Variants in LMCD1 observed in about 807,000 individuals in gnomAD.
LMCD1 encodes the protein LIM and cysteine rich domains 1, also known as LIM and cysteine-rich domains protein 1.
LMCD1 carries 32 observed loss-of-function variants against 42.7 expected under a neutral mutation model. The ratio of observed to expected loss-of-function variants is 0.75; its 90% CI spans 0.57 to 1.01. The LOEUF is 1.01. Among genes scored for constraint, LMCD1 ranks in the 50% least tolerant of loss-of-function variants. LMCD1 has a pLI of 0.00. For synonymous variants in LMCD1, 178 were observed against 184.9 expected (o/e 0.96, Z 0.30); for missense variants, 458 against 483.1 (o/e 0.95, Z 0.49).
At chr3:8,536,256 C>A (rs1490345352) in intron 2 of LMCD1, among the ~76,000 whole-genome samples, 1 of 152,182 alleles carries the variant, frequency 6.6e-6, no homozygotes, top group Non-Finnish European at 1.5e-5. Context: ...GCATCTGAGA[C>A]CCAGCACAGC....
At chr3:8,550,557 C>T in intron 4 of LMCD1, 3 of 985,124 alleles carry the variant, frequency 3.0e-6, no homozygotes, top group Non-Finnish European at 3.6e-6. Flanking sequence ...GATTGCCAAC[C>T]AAGAAACTGT....
At chr3:8,551,868 A>G (rs1231343395) in intron 4 of LMCD1, among the ~76,000 whole-genome samples, 2 of 152,214 alleles carry the variant, frequency 1.3e-5, no homozygotes, top group African/African-American at 4.8e-5. Flanking sequence ...TACCAGAGCC[A>G]AGCATCAGGC....
chr3:8,502,389 A>ATATATAAAATATATAATATATAT (rs1176418983), intron 1 of LMCD1, among the ~76,000 whole-genome samples: 3 of 89,180 alleles, frequency 3.4e-5, no homozygotes, highest in South Asian at 2.7e-4. Context: ...AATATATATT[A>ATATATAAAATATATAATATATAT]TATATAAAAT....
In LMCD1 at chr3:8,534,213, G is replaced by A. The variant is rs564924042; in HGVS notation, c.131+1388G>A. Among the ~76,000 whole-genome samples the A allele has an allele frequency of 3.3e-5, 5 of 151,776 alleles. No individual in the cohort carries two copies. In the East Asian group the frequency reaches 5.9e-4, roughly 18 times the overall value. Reference sequence around the variant, plus strand: ...AAAATGTTATCTAAATGCACCCACCGAGTCAATTCAATCAGTTTTCCCTTC... The same window carrying A: ...AAAATGTTATCTAAATGCACCCACCAAGTCAATTCAATCAGTTTTCCCTTC... On this transcript the variant is annotated intron_variant, in intron 2 of 5. Coordinates refer to ENST00000157600, the MANE Select transcript of LMCD1 (RefSeq NM_014583.4).
intron 1 of LMCD1, among the ~76,000 whole-genome samples, chr3:8,515,578 G>A (rs1314918560): frequency 1.3e-5 from 2 of 152,210 alleles, no homozygotes; most frequent in South Asian, 2.1e-4. Context: ...TGAGAACAGA[G>A]ACCATTCCGT....
intron 1 of LMCD1, among the ~76,000 whole-genome samples, chr3:8,517,518 G>A (rs151094461): frequency 4.2e-4 from 64 of 152,286 alleles, no homozygotes; most frequent in African/African-American, 1.2e-3. Flanking sequence ...AGTTTGGGTC[G>A]TGGACTTGTT....
At chr3:8,547,436 C>T (rs891574874) in intron 3 of LMCD1, among the ~76,000 whole-genome samples, 6 of 152,080 alleles carry the variant, frequency 3.9e-5, no homozygotes, top group African/African-American at 9.7e-5. Flanking sequence ...TTGTCTGGAA[C>T]GATAAACACA....
At chr3:8,524,459 A>G (rs1694261057) in intron 1 of LMCD1, among the ~76,000 whole-genome samples, 1 of 152,164 alleles carries the variant, frequency 6.6e-6, no homozygotes, top group African/African-American at 2.4e-5. Context: ...TCTGGTTAAG[A>G]GAATGACTGC....
intron 4 of LMCD1, among the ~76,000 whole-genome samples, chr3:8,561,730 C>T (rs1430269768): frequency 2.0e-5 from 3 of 152,062 alleles, no homozygotes; most frequent in East Asian, 1.9e-4. Flanking sequence ...AATGATTTTC[C>T]GAATAGAAAA....
intron 3 of LMCD1, among the ~76,000 whole-genome samples, chr3:8,545,205 G>T (rs1017651176): frequency 2.6e-5 from 4 of 152,210 alleles, no homozygotes; most frequent in Middle Eastern, 6.8e-3. Flanking sequence ...AAGAAAAAGC[G>T]ATTTTAGACA....
chr3:8,529,897 T>A (rs1694378919), intron 1 of LMCD1, among the ~76,000 whole-genome samples: 1 of 152,128 alleles, frequency 6.6e-6, no homozygotes, highest in Admixed American at 6.5e-5. Flanking sequence ...CAAGCCCTTT[T>A]CAGGCAGCAT....
chr3:8,502,920 G>A (rs1182053401), intron 1 of LMCD1, among the ~76,000 whole-genome samples: 8 of 152,224 alleles, frequency 5.3e-5, no homozygotes, highest in Middle Eastern at 3.4e-3. Context: ...CAGAGAGTTG[G>A]TTCTAACAGG....
intron 4 of LMCD1, among the ~76,000 whole-genome samples, chr3:8,554,945 C>G (rs778115748): frequency 6.6e-6 from 1 of 152,132 alleles, no homozygotes; most frequent in Non-Finnish European, 1.5e-5. Flanking sequence ...TCCTGCCGGG[C>G]GCCTCCCCGT....
intron 1 of LMCD1, among the ~76,000 whole-genome samples, chr3:8,513,570 C>G (rs1694041496): frequency 6.6e-6 from 1 of 152,008 alleles, no homozygotes; most frequent in Non-Finnish European, 1.5e-5. Flanking sequence ...AAAATCAGCA[C>G]TGTTCTACAT....
At chr3:8,532,046 G>T (rs1694422601) in intron 1 of LMCD1, among the ~76,000 whole-genome samples, 2 of 152,112 alleles carry the variant, frequency 1.3e-5, no homozygotes, top group African/African-American at 4.8e-5. Flanking sequence ...CGGGTCTAAG[G>T]GTCTGTATTT....
At chr3:8,551,034 G>T in intron 4 of LMCD1, 1 of 985,394 alleles carries the variant, frequency 1.0e-6, no homozygotes, top group Non-Finnish European at 1.2e-6. Flanking sequence ...GACAGTAAAT[G>T]GAAAAGGCCA....
At chr3:8,523,833 G>A (rs1231166266) in intron 1 of LMCD1, among the ~76,000 whole-genome samples, 1 of 152,166 alleles carries the variant, frequency 6.6e-6, no homozygotes, top group African/African-American at 2.4e-5. Context: ...CAACCCCCTG[G>A]CATCCTCCTC....
chr3:8,545,814 G>T (rs1459566447), intron 3 of LMCD1, among the ~76,000 whole-genome samples: 3 of 152,148 alleles, frequency 2.0e-5, no homozygotes, highest in Admixed American at 6.5e-5. Context: ...TGTAATCAGA[G>T]ATTTGAAAAG....
intron 4 of LMCD1, among the ~76,000 whole-genome samples, chr3:8,560,677 C>A (rs1695018447): frequency 6.6e-6 from 1 of 152,172 alleles, no homozygotes; most frequent in Admixed American, 6.5e-5. Context: ...CAGTTCCCAG[C>A]TATGCAGGAG....
Sources: gnomAD v4.1 joint callset for allele counts (sites outside exome capture counted in the v4.1 genomes callset) on GRCh38, gnomAD v4.1.1 for gene constraint, MANE v1.5 for transcripts, NCBI Gene and HGNC (gene_info 2026-07-23, HGNC 2026-07-21) for gene names.